Variants in TPRG1 observed in about 807,000 individuals in gnomAD.
The protein encoded by TPRG1 is tumor protein p63 regulated 1, also known as tumor protein p63-regulated gene 1 protein.
Under a neutral mutation model 29.3 loss-of-function variants are expected in TPRG1, and 29 were observed. The ratio of observed to expected loss-of-function variants is 0.99; its 90% CI spans 0.74 to 1.35. The LOEUF (loss-of-function observed/expected upper bound fraction) is 1.35, where lower values mean the gene tolerates loss of function less well. Among genes scored for constraint, TPRG1 ranks in the 40% most tolerant of loss-of-function variants. The pLI, the probability that TPRG1 is intolerant of heterozygous loss-of-function variation, is 0.00. For synonymous variants in TPRG1, 130 were observed against 116.8 expected (o/e 1.11, Z -0.73); for missense variants, 327 against 335.0 (o/e 0.98, Z 0.19).
At position 189,215,367 on chromosome 3, in the gene TPRG1, T is replaced by G; in HGVS notation, c.286T>G (p.Phe96Val). The change falls in exon 3 of 6, where the codon TTC becomes GTC. Residue 96 changes from phenylalanine to valine, a missense_variant. Coordinates refer to ENST00000345063, the MANE Select transcript of TPRG1 (RefSeq NM_198485.4). The stretch of plus-strand genomic sequence containing the variant: ...GACTTCTGGAGAGACCATTCAAGGC[T>G]TCTGGCTCTTGACAAAGTGAGTAGT... ...AETSGETIQG[F>V]WLLTKIDHWN... 6.2e-7 allele frequency: 1 copy of G among 1,611,598 alleles called. No individual in the cohort carries two copies. The highest frequency in any genetic ancestry group is 8.5e-7 in the Non-Finnish European group (1 of 1,178,994).
intron 1 of TPRG1, chr3:189,123,538 C>T (rs1722073245): frequency 6.6e-6 from 1 of 152,158 alleles, no homozygotes; most frequent in South Asian, 2.1e-4. Flanking sequence ...AATGCCTTAA[C>T]AAAATGCTTT....
intron 1 of TPRG1, among the ~76,000 whole-genome samples, chr3:189,179,130 A>G (rs1015044481): frequency 6.6e-6 from 1 of 152,156 alleles, no homozygotes; most frequent in Admixed American, 6.5e-5. Flanking sequence ...AACATCTATG[A>G]TATATCCTTA....
upstream of TPRG1, among the ~76,000 whole-genome samples, chr3:189,099,145 C>T: frequency 6.6e-6 from 1 of 151,988 alleles, no homozygotes; most frequent in East Asian, 1.9e-4. Context: ...GCGGCCGACA[C>T]CACACTTGGT....
intron 4 of TPRG1, among the ~76,000 whole-genome samples, chr3:189,025,010 T>C (rs1713582089): frequency 1.3e-5 from 2 of 152,162 alleles, no homozygotes; most frequent in Admixed American, 1.3e-4. Context: ...TGGAAGTGGG[T>C]CCTGCAGACT....
chr3:189,005,023 G>A (rs1305925263), intron 3 of TPRG1, among the ~76,000 whole-genome samples: 3 of 152,014 alleles, frequency 2.0e-5, no homozygotes, highest in African/African-American at 7.2e-5. Flanking sequence ...AGCATCACAT[G>A]TTCTCATATT....
chr3:189,029,817 AGT>A (rs1713842928), intron 4 of TPRG1, among the ~76,000 whole-genome samples: 1 of 152,110 alleles, frequency 6.6e-6, no homozygotes, highest in South Asian at 2.1e-4. Context: ...GTTGTTTATT[AGT>A]GTGGCACCTC....
chr3:189,007,598 G>A (rs913588022), intron 3 of TPRG1, among the ~76,000 whole-genome samples: 9 of 150,780 alleles, frequency 6.0e-5, no homozygotes, highest in South Asian at 4.2e-4. Context: ...ACATGCACAC[G>A]TATGTTTATT....
intron 3 of TPRG1, among the ~76,000 whole-genome samples, chr3:189,142,633 T>TCTA (rs1724723486): frequency 6.6e-6 from 1 of 152,200 alleles, no homozygotes; most frequent in Non-Finnish European, 1.5e-5. Context: ...CCAAAGAGAC[T>TCTA]CTAACTCAAC....
intron 3 of TPRG1, among the ~76,000 whole-genome samples, chr3:189,217,247 A>G (rs191497423): frequency 6.6e-6 from 1 of 152,322 alleles, no homozygotes; most frequent in African/African-American, 2.4e-5. Flanking sequence ...TAGTTTTCAG[A>G]AAAGTATGAA....
At chr3:189,064,066 G>A (rs923216433) in intron 4 of TPRG1, among the ~76,000 whole-genome samples, 1 of 152,140 alleles carries the variant, frequency 6.6e-6, no homozygotes, top group African/African-American at 2.4e-5. Flanking sequence ...AGAATAAATT[G>A]TGAAGGTGCA....
chr3:189,252,687 C>T (rs1432336615), intron 4 of TPRG1, among the ~76,000 whole-genome samples: 2 of 152,130 alleles, frequency 1.3e-5, no homozygotes, highest in African/African-American at 4.8e-5. Context: ...GGGGGGTTCT[C>T]AATTTTCAAT....
At chr3:189,057,827 T>TAC (rs1163764683) in intron 4 of TPRG1, among the ~76,000 whole-genome samples, 21 of 145,144 alleles carry the variant, frequency 1.4e-4, no homozygotes, top group Admixed American at 1.2e-3. Flanking sequence ...TGTATATATA[T>TAC]ACACACATAT....
At chr3:189,046,676 TTATACTTTTCCTGTAG>T (rs1233744076) in intron 4 of TPRG1, among the ~76,000 whole-genome samples, 1 of 152,180 alleles carries the variant, frequency 6.6e-6, no homozygotes, top group African/African-American at 2.4e-5. Context: ...GATATTTGCA[TTATACTTTTCCTGTAG>T]TATACGTTTC....
intron 4 of TPRG1, among the ~76,000 whole-genome samples, chr3:189,082,837 C>T (rs903649906): frequency 3.9e-5 from 6 of 152,172 alleles, no homozygotes; most frequent in Non-Finnish European, 1.5e-5. Flanking sequence ...GATAATATCC[C>T]TGCTACATTT....
At chr3:189,237,339 G>T (rs148574773) in intron 3 of TPRG1, among the ~76,000 whole-genome samples, 2 of 152,028 alleles carry the variant, frequency 1.3e-5, no homozygotes, top group African/African-American at 4.8e-5. Context: ...TTGGTGCTCA[G>T]CCTACTCAGC....
chr3:189,102,450 A>G (rs1422366145), intron 1 of TPRG1, among the ~76,000 whole-genome samples: 1 of 152,278 alleles, frequency 6.6e-6, no homozygotes, highest in East Asian at 1.9e-4. Flanking sequence ...CCTCTTATCC[A>G]TCCAATTTCC....
intron 3 of TPRG1, among the ~76,000 whole-genome samples, chr3:189,222,001 T>C (rs1225275728): frequency 6.6e-6 from 1 of 152,026 alleles, no homozygotes; most frequent in Non-Finnish European, 1.5e-5. Flanking sequence ...AATACAGTGA[T>C]CACTGCAGTT....
At chr3:189,218,396 G>A (rs1323792013) in intron 3 of TPRG1, among the ~76,000 whole-genome samples, 2 of 152,070 alleles carry the variant, frequency 1.3e-5, no homozygotes, top group South Asian at 2.1e-4. Flanking sequence ...GATTACAGGC[G>A]TGAGCCATCG....
chr3:189,016,322 T>C (rs1712931996), intron 3 of TPRG1, among the ~76,000 whole-genome samples: 1 of 152,118 alleles, frequency 6.6e-6, no homozygotes, highest in South Asian at 2.1e-4. Flanking sequence ...TACCCAATAA[T>C]TGTGCTGCCA....
Sources: allele counts gnomAD v4.1 joint callset (sites outside exome capture counted in the v4.1 genomes callset), GRCh38; gene constraint gnomAD v4.1.1; transcripts MANE v1.5; gene names NCBI Gene and HGNC (gene_info 2026-07-23, HGNC 2026-07-21).